Variants in ZNF415 observed in about 807,000 individuals in gnomAD.
The protein encoded by ZNF415 is zinc finger protein 415.
ZNF415 carries 5 observed loss-of-function variants against 7.3 expected under a neutral mutation model. The observed-to-expected ratio is 0.69, with a 90% CI of 0.36 to 1.44. ZNF415 has a LOEUF of 1.44. Among genes scored for constraint, ZNF415 ranks in the 40% most tolerant of loss-of-function variants. ZNF415 has a pLI of 0.04. For synonymous variants in ZNF415, 207 were observed against 226.3 expected (o/e 0.91, Z 0.77); for missense variants, 628 against 664.8 (o/e 0.94, Z 0.61).
intron 1 of ZNF415, among the ~76,000 whole-genome samples, chr19:53,125,000 C>T (rs1203171020): frequency 1.3e-5 from 2 of 151,988 alleles, no homozygotes. Context: ...TGATTTAGTG[C>T]ACTTGACTTG....
intron 1 of ZNF415, among the ~76,000 whole-genome samples, chr19:53,128,956 C>T (rs2089660904): frequency 6.8e-6 from 1 of 147,580 alleles, no homozygotes; most frequent in African/African-American, 2.5e-5. Flanking sequence ...ATAATCCACG[C>T]AGAAGAGTGT....
At chr19:53,118,312 G>A (rs114453783) in intron 2 of ZNF415, among the ~76,000 whole-genome samples, 2,034 of 152,148 alleles carry the variant, frequency 0.013, 35 homozygotes, top group African/African-American at 0.045. Flanking sequence ...CATATAGGGC[G>A]AATATTATTA....
At chr19:53,119,298 C>CA (rs2087587559) in intron 2 of ZNF415, among the ~76,000 whole-genome samples, 1 of 148,932 alleles carries the variant, frequency 6.7e-6, no homozygotes, top group Non-Finnish European at 1.5e-5. Flanking sequence ...AAAGAAAATA[C>CA]AAAAATTAGC....
intron 1 of ZNF415, chr19:53,123,373 G>A: frequency 2.5e-6 from 1 of 397,128 alleles, no homozygotes; most frequent in East Asian, 3.6e-5. Flanking sequence ...AGCATGCAGA[G>A]GAGGTAATAT....
At chr19:53,125,894 C>T (rs1212465681) in intron 1 of ZNF415, among the ~76,000 whole-genome samples, 2 of 151,634 alleles carry the variant, frequency 1.3e-5, no homozygotes, top group African/African-American at 2.4e-5. Flanking sequence ...GCTAAGATCA[C>T]GCCACTGCAC....
chr19:53,130,886 C>T (rs926457730), intron 1 of ZNF415, among the ~76,000 whole-genome samples: 1 of 151,956 alleles, frequency 6.6e-6, no homozygotes, highest in Admixed American at 6.6e-5. Context: ...CCTTGTGATT[C>T]ACCCACCTCG....
intron 1 of ZNF415, among the ~76,000 whole-genome samples, chr19:53,130,046 G>A (rs188460702): frequency 7.0e-6 from 1 of 142,748 alleles, no homozygotes; most frequent in Admixed American, 7.2e-5. Flanking sequence ...GCCTGGGTGA[G>A]AGAGCAAGAC....
chr19:53,116,556 T>A (rs529767010), intron 2 of ZNF415, 123 bp from the exon 3 acceptor site: 1 of 1,281,654 alleles, frequency 7.8e-7, no homozygotes, highest in Non-Finnish European at 1.1e-6. Flanking sequence ...TTCTGATAAA[T>A]CCACACTAAG....
At chr19:53,130,894 T>G (rs946743514) in intron 1 of ZNF415, among the ~76,000 whole-genome samples, 9 of 152,052 alleles carry the variant, frequency 5.9e-5, no homozygotes, top group Non-Finnish European at 1.0e-4. Context: ...TTCACCCACC[T>G]CGGCCTCCCA....
At chr19:53,116,247 G>A (rs1355149965) in intron 3 of ZNF415, 66 bp downstream of exon 3, 2 of 1,541,536 alleles carry the variant, frequency 1.3e-6, no homozygotes, top group Non-Finnish European at 1.7e-6. Context: ...CTCCCAAGAG[G>A]CACACAAGGG....
intron 2 of ZNF415, among the ~76,000 whole-genome samples, chr19:53,120,504 G>C (rs2087822318): frequency 6.6e-6 from 1 of 152,104 alleles, no homozygotes; most frequent in African/African-American, 2.4e-5. Context: ...CTGTGTGAGG[G>C]TGTAAGGCTT....
chr19:53,126,083 C>T (rs1568598505), intron 1 of ZNF415, among the ~76,000 whole-genome samples: 2 of 149,340 alleles, frequency 1.3e-5, no homozygotes, highest in Admixed American at 1.3e-4. Flanking sequence ...CAGAATGATA[C>T]AGGGTGACAC....
intron 3 of ZNF415, among the ~76,000 whole-genome samples, chr19:53,114,031 A>T (rs1337603972): frequency 6.6e-6 from 1 of 152,184 alleles, no homozygotes; most frequent in Non-Finnish European, 1.5e-5. Flanking sequence ...ATTCAATTAT[A>T]TTAAAGAGTT....
At chr19:53,126,470 C>T (rs1398594325) in intron 1 of ZNF415, among the ~76,000 whole-genome samples, 1 of 144,102 alleles carries the variant, frequency 6.9e-6, no homozygotes, top group Admixed American at 7.3e-5. Context: ...TATTCACAGA[C>T]CCAGATCCTT....
intron 2 of ZNF415, 151 bp downstream of exon 2, chr19:53,122,511 T>C (rs960461060): frequency 1.3e-6 from 2 of 1,590,108 alleles, no homozygotes; most frequent in South Asian, 2.2e-5. Context: ...TCAGTAGAGA[T>C]GAGAAGGACT....
At chr19:53,125,788 A>G (rs745434268) in intron 1 of ZNF415, among the ~76,000 whole-genome samples, 3 of 152,008 alleles carry the variant, frequency 2.0e-5, no homozygotes, top group Non-Finnish European at 4.4e-5. Context: ...AAATACAAAA[A>G]TTAGCCGGAC....
At chr19:53,130,385 CAATT>C (rs1391457917) in intron 1 of ZNF415, among the ~76,000 whole-genome samples, 1 of 151,998 alleles carries the variant, frequency 6.6e-6, no homozygotes, top group Non-Finnish European at 1.5e-5. Flanking sequence ...AAACTGGACA[CAATT>C]AATTTCAAAG....
chr19:53,115,316 T>C (rs1266546647), intron 3 of ZNF415: 7 of 189,326 alleles, frequency 3.7e-5, no homozygotes, highest in South Asian at 3.0e-4. Flanking sequence ...GCCTGGGCAA[T>C]AAGAGCGAAA....
chr19:53,129,729 G>A (rs2089792360), intron 1 of ZNF415: 2 of 397,896 alleles, frequency 5.0e-6, no homozygotes, highest in African/African-American at 2.1e-5. Flanking sequence ...GACCTGGAAG[G>A]GCCAATGGGC....
Sources: allele counts gnomAD v4.1 joint callset (sites outside exome capture counted in the v4.1 genomes callset), GRCh38; gene constraint gnomAD v4.1.1; transcripts MANE v1.5; gene names NCBI Gene and HGNC (gene_info 2026-07-23, HGNC 2026-07-21).